The following L3MBTL4 variants were observed in gnomAD, a reference collection of about 807,000 sequenced individuals.
L3MBTL4 encodes L3MBTL histone methyl-lysine binding protein 4, also known as lethal(3)malignant brain tumor-like protein 4.
Under a neutral mutation model 84.5 loss-of-function variants are expected in L3MBTL4, and 70 were observed. That is an observed-to-expected ratio of 0.83 (90% CI 0.68 to 1.01). The LOEUF is 1.01. L3MBTL4 is among the 50% of genes least tolerant of loss of function. The pLI is 0.00. For synonymous variants in L3MBTL4, 274 were observed against 259.8 expected (o/e 1.05, Z -0.52); for missense variants, 715 against 754.8 (o/e 0.95, Z 0.62).
intron 16 of L3MBTL4, chr18:6,024,971 T>C (rs950688469): frequency 6.6e-6 from 1 of 152,210 alleles, no homozygotes; most frequent in Non-Finnish European, 1.5e-5. Context: ...GGTTTAAAAA[T>C]AATTTATAGC....
At chr18:6,041,915 G>A (rs999003378) in intron 16 of L3MBTL4, among the ~76,000 whole-genome samples, 1 of 151,894 alleles carries the variant, frequency 6.6e-6, no homozygotes, top group African/African-American at 2.4e-5. Flanking sequence ...ATGGATGGGG[G>A]TCTCACTACG....
chr18:6,113,630 T>C (rs956360114), intron 14 of L3MBTL4, among the ~76,000 whole-genome samples: 1 of 152,146 alleles, frequency 6.6e-6, no homozygotes, highest in Non-Finnish European at 1.5e-5. Context: ...TTGGTAAAAA[T>C]GGAAAAAGTT....
At chr18:6,070,240 A>G (rs1465277093) in intron 16 of L3MBTL4, among the ~76,000 whole-genome samples, 2 of 152,194 alleles carry the variant, frequency 1.3e-5, no homozygotes, top group Non-Finnish European at 1.5e-5. Flanking sequence ...AAGGCACTTC[A>G]TAGTAAAACT....
intron 2 of L3MBTL4, 78 bp downstream of exon 2, chr18:6,311,920 A>G (rs549121032): frequency 3.4e-6 from 1 of 296,180 alleles, no homozygotes; most frequent in South Asian, 4.1e-5. Context: ...TATCTGGGAT[A>G]AAATGTTTGC....
chr18:6,219,196 G>A (rs1266734862), intron 10 of L3MBTL4, among the ~76,000 whole-genome samples: 3 of 151,796 alleles, frequency 2.0e-5, no homozygotes, highest in African/African-American at 4.8e-5. Flanking sequence ...GAACAATGAC[G>A]CGTGGCTCCA....
At chr18:6,311,529 A>C in intron 3 of L3MBTL4, 25 bp downstream of exon 3, 1 of 1,599,302 alleles carries the variant, frequency 6.3e-7, no homozygotes, top group Non-Finnish European at 8.6e-7. Flanking sequence ...CACTGTGAGG[A>C]AGGGTCCAGG....
chr18:5,989,081 G>A (rs2053578947), intron 16 of L3MBTL4, among the ~76,000 whole-genome samples: 2 of 152,184 alleles, frequency 1.3e-5, no homozygotes, highest in South Asian at 2.1e-4. Context: ...GGCCTGTGGG[G>A]AACTGGAGGC....
At position 5,956,239 on chromosome 18, in the gene L3MBTL4, C is replaced by A. The variant is rs3737353; in HGVS notation, c.1826G>T (p.Gly609Val). 1 of 1,612,168 alleles carries A rather than the reference C, an allele frequency of 6.2e-7. No homozygotes were observed. Among genetic ancestry groups the A allele is most frequent in the Non-Finnish European group, 8.5e-7 (1 of 1,178,824 alleles). ...GCCCATTCATCCCCTGACTTCTTGGCCTGAGGCAATATCTTCTTCAGGGAG... is the reference window on the plus strand; with the variant it reads ...GCCCATTCATCCCCTGACTTCTTGGACTGAGGCAATATCTTCTTCAGGGAG... ...QELPEEDIAS[G>V]QEVRG Residue 609 changes from glycine (G) to valine (V), a missense_variant, in exon 19 of 19, where the codon GGC becomes GTC. By Grantham distance (109) the Gly-to-Val change is moderately radical. Coordinates refer to ENST00000317931, the MANE Select transcript of L3MBTL4 (RefSeq NM_001330559.2).
intron 4 of L3MBTL4, among the ~76,000 whole-genome samples, chr18:6,289,691 A>C (rs143680238): frequency 6.6e-6 from 1 of 151,712 alleles, no homozygotes; most frequent in African/African-American, 2.4e-5. Flanking sequence ...TCTCTACTTC[A>C]ACTTTTTTTT....
chr18:5,962,355 C>G (rs2095267785), intron 17 of L3MBTL4, among the ~76,000 whole-genome samples: 1 of 152,028 alleles, frequency 6.6e-6, no homozygotes, highest in African/African-American at 2.4e-5. Context: ...ATAGAGAATC[C>G]CAGCAAACCC....
At chr18:6,021,713 A>T (rs765010454) in intron 16 of L3MBTL4, among the ~76,000 whole-genome samples, 2 of 152,110 alleles carry the variant, frequency 1.3e-5, no homozygotes, top group Non-Finnish European at 2.9e-5. Flanking sequence ...GTAAGTTGAG[A>T]ATCGAAGCCA....
intron 13 of L3MBTL4, among the ~76,000 whole-genome samples, chr18:6,150,628 C>T (rs554982024): frequency 6.6e-5 from 10 of 152,200 alleles, no homozygotes; most frequent in Non-Finnish European, 1.3e-4. Flanking sequence ...ACAGATGCTT[C>T]GATAACGTAA....
chr18:6,108,601 C>T (rs1218687166), intron 14 of L3MBTL4, among the ~76,000 whole-genome samples: 1 of 151,980 alleles, frequency 6.6e-6, no homozygotes, highest in Non-Finnish European at 1.5e-5. Flanking sequence ...GGAGTCCATC[C>T]ATTAAAAAAA....
intron 13 of L3MBTL4, among the ~76,000 whole-genome samples, chr18:6,159,910 T>G (rs2043252591): frequency 6.6e-6 from 1 of 152,284 alleles, no homozygotes; most frequent in Admixed American, 6.5e-5. Flanking sequence ...TTTTTATTCC[T>G]ACTTTAAAAC....
intron 12 of L3MBTL4, among the ~76,000 whole-genome samples, chr18:6,194,938 A>G (rs1220441208): frequency 6.6e-6 from 1 of 152,248 alleles, no homozygotes; most frequent in African/African-American, 2.4e-5. Flanking sequence ...ACAGACCTAC[A>G]TGAAATTGAA....
chr18:6,154,434 A>G (rs2043017946), intron 13 of L3MBTL4, among the ~76,000 whole-genome samples: 1 of 152,152 alleles, frequency 6.6e-6, no homozygotes, highest in Non-Finnish European at 1.5e-5. Context: ...AATGTACTCT[A>G]GTAGCTACAA....
chr18:6,396,676 G>A (rs1183114233), intron 1 of L3MBTL4: 1 of 152,170 alleles, frequency 6.6e-6, no homozygotes, highest in African/African-American at 2.4e-5. Context: ...TTATTCTTCT[G>A]GGGAATAAGC....
intron 16 of L3MBTL4, among the ~76,000 whole-genome samples, chr18:6,056,155 C>A (rs976748233): frequency 6.6e-6 from 1 of 152,162 alleles, no homozygotes; most frequent in Admixed American, 6.5e-5. Context: ...GCGATTCTGT[C>A]ATTTCCAAGA....
chr18:6,379,209 G>A (rs1363345830), intron 1 of L3MBTL4, among the ~76,000 whole-genome samples: 1 of 152,212 alleles, frequency 6.6e-6, no homozygotes, highest in African/African-American at 2.4e-5. Context: ...AGCTTAAGGA[G>A]ATTTTGGGCT....
Sources: allele counts gnomAD v4.1 joint callset (sites outside exome capture counted in the v4.1 genomes callset), GRCh38; gene constraint gnomAD v4.1.1; transcripts MANE v1.5; gene names NCBI Gene and HGNC (gene_info 2026-07-23, HGNC 2026-07-21).